KIF13A: variants seen among roughly 807,000 people sequenced by gnomAD.
KIF13A encodes kinesin family member 13A.
KIF13A carries 79 observed loss-of-function variants against 212.2 expected under a neutral mutation model. The observed-to-expected ratio is 0.37, with a 90% confidence interval of 0.31 to 0.45. The LOEUF is 0.45. Ranked by LOEUF, KIF13A falls within the 20% of genes least tolerant of loss-of-function variation. The pLI, the probability that KIF13A is intolerant of heterozygous loss-of-function variation, is 1.00. For synonymous variants in KIF13A, 789 were observed against 808.6 expected (o/e 0.98, Z 0.41); for missense variants, 1,901 against 2,209.0 (o/e 0.86, Z 2.79).
Position 17,987,188 on chromosome 6 carries a change from G to T in KIF13A, c.56-44C>A. ...GGACGTTGCAAAGTCCAGCATCCGC[G>T]CCTCCAGCCCGCCCGCCCGCCAGCC... On this transcript the variant is annotated intron_variant, in intron 1 of 38. Coordinates refer to ENST00000259711, the MANE Select transcript of KIF13A (RefSeq NM_022113.6). This position sits in a 1 kb window ranked among gnomAD's most constrained non-coding sequence, Gnocchi z 7.7. The T allele has an allele frequency of 6.9e-7, 1 of 1,455,604 alleles. No individual in the cohort carries two copies. Among genetic ancestry groups the T allele is most frequent in the Non-Finnish European group, 9.4e-7 (1 of 1,063,644 alleles). 90.2% of individuals were successfully genotyped at this position (1,455,604 alleles called of 1,614,324 possible).
intron 2 of KIF13A, among the ~76,000 whole-genome samples, chr6:17,940,674 A>C (rs546473339): frequency 1.3e-4 from 20 of 152,316 alleles, no homozygotes; most frequent in Admixed American, 3.9e-4. Context: ...GGCTTGAACT[A>C]ATGGCTGCAT....
rs1421114171 is a variant in KIF13A, at chr6:17,799,204, T to C, written c.2790+62A>G. ...AACAAATGCTTGTGGGGACAACTGA[T>C]TGTTGAACTGCACCAATTTCTGCTG... is the stretch of plus-strand genomic sequence containing the variant. On this transcript the variant is annotated intron_variant, in intron 22 of 38. Coordinates refer to ENST00000259711, the MANE Select transcript of KIF13A (RefSeq NM_022113.6). This position sits in a 1 kb window ranked among gnomAD's most constrained non-coding sequence, Gnocchi z 4.4. 2 of 1,172,362 alleles carry C rather than the reference T, an allele frequency of 1.7e-6. No individual in the cohort carries two copies. The highest frequency in any genetic ancestry group is 2.6e-5 in the East Asian group (1 of 39,120). The allele number at this position is 1,172,362 out of a possible 1,614,324, so 72.6% of individuals were successfully genotyped here. A position where few individuals can be genotyped will look rare whatever the true frequency, so the allele number is the denominator to read the frequency against.
chr6:17,894,220 T>G (rs974416902), intron 3 of KIF13A, among the ~76,000 whole-genome samples: 5 of 151,724 alleles, frequency 3.3e-5, no homozygotes, highest in Non-Finnish European at 5.9e-5. Flanking sequence ...CAGCCTAAAC[T>G]TACCGTGCTC....
In KIF13A at chr6:17,770,615, C is replaced by T. The variant is rs117727352; in HGVS notation, c.4581+499G>A. The T allele has an allele frequency of 1.4e-3, 217 of 160,320 alleles. 1 individual carries two copies. The East Asian group carries it at 0.029, about 22-fold the overall frequency. The allele number at this position is 160,320 out of a possible 1,614,324, so 9.9% of individuals were successfully genotyped here. ...ACAAAGGCTACCCTAGACAGTGAGA[C>T]GATGAAGGGTGATTATGATAGATTG... On this transcript the variant is annotated intron_variant, in intron 38 of 38. Coordinates refer to ENST00000259711, the MANE Select transcript of KIF13A (RefSeq NM_022113.6).
At chr6:17,835,180 T>C (rs1765817498) in intron 11 of KIF13A, among the ~76,000 whole-genome samples, 1 of 105,586 alleles carries the variant, frequency 9.5e-6, no homozygotes, top group Admixed American at 1.5e-4. Flanking sequence ...AGAGACTCTG[T>C]CCACCCGCCC....
intron 2 of KIF13A, among the ~76,000 whole-genome samples, chr6:17,970,083 C>T (rs985411282): frequency 2.0e-5 from 3 of 151,910 alleles, no homozygotes; most frequent in Non-Finnish European, 2.9e-5. Flanking sequence ...CCACCACGCC[C>T]GGCTAATTTT....
chr6:17,970,850 G>C (rs1051561917), intron 2 of KIF13A, among the ~76,000 whole-genome samples: 2 of 152,228 alleles, frequency 1.3e-5, no homozygotes, highest in African/African-American at 4.8e-5. Context: ...TACAACACTT[G>C]ATAGTGCTTT....
rs570614387 is a variant in KIF13A, at chr6:17,934,987, C to A, written c.147-36807G>T. 1.3e-5 allele frequency among the ~76,000 whole-genome samples: 2 copies of A among 152,218 alleles called. No homozygotes were observed. Among genetic ancestry groups the A allele is most frequent in the East Asian group, 3.9e-4 (2 of 5,178 alleles). ...ATACCTGAAGCAAGTTCCTTTACAC[C>A]TGTGCTCCAGGCTTCCCACCACGCT... is the stretch of plus-strand genomic sequence containing the variant. On this transcript the variant is annotated intron_variant, in intron 2 of 38. Coordinates refer to ENST00000259711, the MANE Select transcript of KIF13A (RefSeq NM_022113.6). This position sits in a 1 kb window ranked among gnomAD's most constrained non-coding sequence, Gnocchi z 5.4.
chr6:17,823,363 G>C (rs1764638285), intron 16 of KIF13A, among the ~76,000 whole-genome samples: 1 of 150,810 alleles, frequency 6.6e-6, no homozygotes, highest in Non-Finnish European at 1.5e-5. Flanking sequence ...CATTACACTT[G>C]TTTTTCACAG....
chr6:17,785,786 G>A lies in KIF13A; in HGVS notation c.3362-145C>T, dbSNP rs757041290. ...AAATAGTTGGGCAGGGTGGTGGTAC[G>A]CATGCCTGTAGTCCCAGATACTCAG... On this transcript the variant is annotated intron_variant, in intron 27 of 38. Transcript: ENST00000259711. This position sits in a 1 kb window ranked among gnomAD's most constrained non-coding sequence, Gnocchi z 5.8. 1.7e-5 allele frequency: 14 copies of A among 823,246 alleles called. No homozygotes were observed. Among genetic ancestry groups the A allele is most frequent in the Non-Finnish European group, 2.5e-5 (13 of 525,668 alleles). 51.0% of individuals were successfully genotyped at this position (823,246 alleles called of 1,614,324 possible).
chr6:17,937,805 A>G (rs533195675), intron 2 of KIF13A, among the ~76,000 whole-genome samples: 4 of 150,066 alleles, frequency 2.7e-5, no homozygotes, highest in Non-Finnish European at 4.4e-5. Flanking sequence ...GCTGGAGTAC[A>G]GTGGCACAAT....
At position 17,899,916 on chromosome 6, in the gene KIF13A, T is replaced by G. The variant is rs768453730; in HGVS notation, c.147-1736A>C. On this transcript the variant is annotated intron_variant, in intron 2 of 38. Transcript: ENST00000259711. This position sits in a 1 kb window ranked among gnomAD's most constrained non-coding sequence, Gnocchi z 5.2. Reference sequence around the variant, plus strand: ...GAGATTTCTGCCATGAAAATTTCCTTAAGTGGAAGACAATTCAGGAAGGCC... The same window carrying G: ...GAGATTTCTGCCATGAAAATTTCCTGAAGTGGAAGACAATTCAGGAAGGCC... Among the ~76,000 whole-genome samples the G allele has an allele frequency of 1.3e-5, 2 of 152,224 alleles. No individual in the cohort carries two copies. The highest frequency in any genetic ancestry group is 2.9e-5 in the Non-Finnish European group (2 of 68,036).
intron 2 of KIF13A, among the ~76,000 whole-genome samples, chr6:17,940,158 T>C (rs1215039779): frequency 6.6e-6 from 1 of 151,348 alleles, no homozygotes; most frequent in Non-Finnish European, 1.5e-5. Context: ...TCCTTCCTTC[T>C]TTCCTTTCCT....
In KIF13A at chr6:17,794,768, T is replaced by C; in HGVS notation, c.2943-64A>G. 6.6e-7 allele frequency: 1 copy of C among 1,517,146 alleles called. No homozygotes were observed. The highest frequency in any genetic ancestry group is 2.3e-5 in the East Asian group (1 of 44,370). 94.0% of individuals were successfully genotyped at this position (1,517,146 alleles called of 1,614,324 possible). A position where few individuals can be genotyped will look rare whatever the true frequency, so the allele number is the denominator to read the frequency against. ...CCAGGGATACTGTTAGTAATAGTAA[T>C]AAGCCACCATTCACTGAGCACTTAC... On this transcript the variant is annotated intron_variant, in intron 23 of 38. Transcript: ENST00000259711. The surrounding 1 kb of genome is among the most constrained non-coding windows in gnomAD (Gnocchi z 4.1).
chr6:17,857,240 A>G (rs1206041871), intron 4 of KIF13A, among the ~76,000 whole-genome samples: 1 of 152,198 alleles, frequency 6.6e-6, no homozygotes, highest in Non-Finnish European at 1.5e-5. Flanking sequence ...AAAACGAGAT[A>G]GTATTTGTGA....
intron 6 of KIF13A, among the ~76,000 whole-genome samples, chr6:17,854,902 T>A (rs1768007790): frequency 6.6e-6 from 1 of 152,074 alleles, no homozygotes; most frequent in African/African-American, 2.4e-5. Flanking sequence ...CCTCTATGAA[T>A]CAGATAAATA....
chr6:17,759,769 C>G (rs996572300), downstream of KIF13A: 2 of 152,258 alleles, frequency 1.3e-5, no homozygotes, highest in African/African-American at 4.8e-5. Flanking sequence ...TTTCCAGAAT[C>G]AAGCAAAATA....
In KIF13A at chr6:17,817,949, T is replaced by C. The variant is rs1562012531; in HGVS notation, c.1787-716A>G. ...ATCTTGCTCCAATGAGCTACCATGA[T>C]GGTTGTGGTATAGGTAAATCCTAAT... On this transcript the variant is annotated intron_variant, in intron 16 of 38. Transcript: ENST00000259711. Among the ~76,000 whole-genome samples, 4 of 151,730 alleles carry C rather than the reference T, an allele frequency of 2.6e-5. No individual in the cohort carries two copies. The South Asian group carries it at 6.2e-4, about 24-fold the overall frequency.
At chr6:17,983,269 A>G (rs904074781) in intron 2 of KIF13A, among the ~76,000 whole-genome samples, 5 of 152,108 alleles carry the variant, frequency 3.3e-5, no homozygotes, top group African/African-American at 1.2e-4. Context: ...GCACATATAT[A>G]TCTGGAAAAA....
Sources: gnomAD v4.1 joint callset for allele counts (sites outside exome capture counted in the v4.1 genomes callset) on GRCh38, gnomAD v4.1.1 for gene constraint, Gnocchi (gnomAD v3.1) non-coding constraint, MANE v1.5 for transcripts, NCBI Gene and HGNC (gene_info 2026-07-23, HGNC 2026-07-21) for gene names.